SRPK2: variants seen among roughly 807,000 people sequenced by gnomAD.
SRPK2 encodes SRSF protein kinase 2.
SRPK2 carries 21 observed loss-of-function variants against 90.8 expected under a neutral mutation model. The ratio of observed to expected loss-of-function variants is 0.23; its 90% confidence interval spans 0.16 to 0.33. The LOEUF is 0.33. SRPK2 is among the 10% of genes least tolerant of loss of function. The pLI is 1.00. For missense variants in SRPK2, 620 were observed against 869.0 expected, an observed-to-expected ratio of 0.71 and a Z score of 3.60; for synonymous variants, 288 against 311.1, an observed-to-expected ratio of 0.93 and a Z score of 0.78.
intron 7 of SRPK2, among the ~76,000 whole-genome samples, chr7:105,149,175 G>A (rs559786563): frequency 1.3e-5 from 2 of 152,248 alleles, no homozygotes; most frequent in African/African-American, 2.4e-5. Context: ...CTGCCCCTGG[G>A]AACTGAATGT....
chr7:105,293,382 T>C (rs978826340), intron 2 of SRPK2, among the ~76,000 whole-genome samples: 2 of 152,224 alleles, frequency 1.3e-5, no homozygotes, highest in Non-Finnish European at 2.9e-5. Flanking sequence ...CTCTAGAATT[T>C]GGCAAGATGT....
intron 15 of SRPK2, among the ~76,000 whole-genome samples, chr7:105,119,847 C>T (rs752846897): frequency 7.9e-5 from 12 of 152,206 alleles, no homozygotes; most frequent in African/African-American, 2.7e-4. Context: ...CGCAAAATTA[C>T]GAAGAGCCAG....
At chr7:105,389,821 C>G (rs943355165), upstream of SRPK2, among the ~76,000 whole-genome samples, 1 of 152,138 alleles carries the variant, frequency 6.6e-6, no homozygotes, top group Non-Finnish European at 1.5e-5. Context: ...TAAATAATTA[C>G]AATAGTTTTT....
At chr7:105,374,049 TC>T (rs1820009654) in intron 2 of SRPK2, among the ~76,000 whole-genome samples, 2 of 152,314 alleles carry the variant, frequency 1.3e-5, no homozygotes, top group East Asian at 3.9e-4. Flanking sequence ...TGTCTCAGCC[TC>T]CCAAGTAGCT....
At chr7:105,341,765 G>A (rs527752235) in intron 2 of SRPK2, among the ~76,000 whole-genome samples, 9 of 152,078 alleles carry the variant, frequency 5.9e-5, no homozygotes, top group East Asian at 3.9e-4. Flanking sequence ...CCAGGAGTTC[G>A]AAACCAGCCT....
At chr7:105,353,860 C>T (rs1317704877) in intron 2 of SRPK2, among the ~76,000 whole-genome samples, 2 of 152,130 alleles carry the variant, frequency 1.3e-5, no homozygotes, top group African/African-American at 2.4e-5. Context: ...ATGCAGAGAG[C>T]CTTCCTAAAG....
At chr7:105,381,864 A>G (rs1158712458) in intron 2 of SRPK2, among the ~76,000 whole-genome samples, 1 of 152,158 alleles carries the variant, frequency 6.6e-6, no homozygotes, top group Non-Finnish European at 1.5e-5. Context: ...TTGTATCATT[A>G]CATTCCAAAA....
At chr7:105,156,544 A>C (rs561377657) in intron 7 of SRPK2, among the ~76,000 whole-genome samples, 1 of 152,294 alleles carries the variant, frequency 6.6e-6, no homozygotes, top group Non-Finnish European at 1.5e-5. Flanking sequence ...TCTGTCACAC[A>C]GGCTAGAGTG....
intron 2 of SRPK2, among the ~76,000 whole-genome samples, chr7:105,313,019 T>A (rs6962856): frequency 0.72 from 109,940 of 152,142 alleles, 40,202 homozygotes; most frequent in African/African-American, 0.83. Flanking sequence ...CATTTGAAAC[T>A]ACTAATGAAT....
At chr7:105,147,508 A>G (rs1237862496) in intron 7 of SRPK2, among the ~76,000 whole-genome samples, 3 of 151,776 alleles carry the variant, frequency 2.0e-5, no homozygotes, top group African/African-American at 7.3e-5. Context: ...TTTAGTAGAG[A>G]CGGGGTTTTA....
intron 2 of SRPK2, among the ~76,000 whole-genome samples, chr7:105,237,772 T>A (rs891375161): frequency 3.3e-5 from 5 of 152,122 alleles, no homozygotes; most frequent in Non-Finnish European, 7.3e-5. Flanking sequence ...AAGCCAAACA[T>A]GAAGAACGTA....
chr7:105,314,900 G>A (rs1812148920), intron 2 of SRPK2, among the ~76,000 whole-genome samples: 1 of 152,176 alleles, frequency 6.6e-6, no homozygotes, highest in African/African-American at 2.4e-5. Flanking sequence ...AGGAGAACAG[G>A]AAATATGCTT....
rs144656654 is a variant in SRPK2 at position 105,395,109 on chromosome 7, G to A, written n.153+4047C>T. On this transcript the variant is annotated intron_variant and non_coding_transcript_variant, in intron 1 of 3. Coordinates refer to the SRPK2 transcript ENST00000462282. ...AATCACTTGAACCTAGGAGGTGGAG[G>A]TTGTAGTGAGCCAAGATCTTGCCAC... Among the ~76,000 whole-genome samples, 514 of 152,254 alleles carry A rather than the reference G, an allele frequency of 3.4e-3. 15 individuals carry two copies. The East Asian group carries it at 0.067, about 20-fold the overall frequency.
chr7:105,394,925 C>T (rs947833044), intron 1 of SRPK2, among the ~76,000 whole-genome samples: 3 of 152,158 alleles, frequency 2.0e-5, no homozygotes, highest in Non-Finnish European at 4.4e-5. Flanking sequence ...AATCCCAGCC[C>T]TTTGGGAGGC....
At chr7:105,281,221 C>T (rs377540797) in intron 2 of SRPK2, among the ~76,000 whole-genome samples, 3 of 151,650 alleles carry the variant, frequency 2.0e-5, no homozygotes, top group Non-Finnish European at 4.4e-5. Flanking sequence ...CTCAGCCTCC[C>T]GAGTAGCTGG....
intron 6 of SRPK2, among the ~76,000 whole-genome samples, chr7:105,166,951 T>C (rs1688153002): frequency 6.6e-6 from 1 of 152,222 alleles, no homozygotes; most frequent in African/African-American, 2.4e-5. Context: ...ACAGAGCATT[T>C]TTCCTTTTAT....
intron 7 of SRPK2, among the ~76,000 whole-genome samples, chr7:105,157,575 T>C (rs1163885038): frequency 1.3e-5 from 2 of 152,010 alleles, no homozygotes; most frequent in Admixed American, 1.3e-4. Flanking sequence ...CCAGATTCCA[T>C]GATAATATTT....
At chr7:105,268,432 T>G (rs1356150502) in intron 2 of SRPK2, among the ~76,000 whole-genome samples, 1 of 152,254 alleles carries the variant, frequency 6.6e-6, no homozygotes. Context: ...TTCGTAATTC[T>G]GTAGAGCAGC....
At chr7:105,377,137 A>ACG (rs1820403391) in intron 2 of SRPK2, among the ~76,000 whole-genome samples, 1 of 152,042 alleles carries the variant, frequency 6.6e-6, no homozygotes, top group African/African-American at 2.4e-5. Context: ...ACTGCTGACC[A>ACG]CGCCCTTCTT....
Sources: gnomAD v4.1 joint callset for allele counts (sites outside exome capture counted in the v4.1 genomes callset) on GRCh38, gnomAD v4.1.1 for gene constraint, MANE v1.5 for transcripts, NCBI Gene and HGNC (gene_info 2026-07-23, HGNC 2026-07-21) for gene names.